PHF14: variants seen among roughly 807,000 people sequenced by gnomAD.
The protein encoded by PHF14 is PHD finger protein 14.
PHF14 carries 55 observed loss-of-function variants against 117.9 expected under a neutral mutation model. The observed-to-expected ratio is 0.47, with a 90% CI of 0.38 to 0.58. PHF14 has a LOEUF of 0.58. PHF14 is among the 20% of genes least tolerant of loss of function. The pLI, the probability that PHF14 is intolerant of heterozygous loss-of-function variation, is 0.00. For missense variants in PHF14, 978 were observed against 1,122.2 expected (o/e 0.87, Z 1.84); for synonymous variants, 409 against 368.6 (o/e 1.11, Z -1.26).
chr7:11,005,788 T>G (rs34327814), intron 4 of PHF14, among the ~76,000 whole-genome samples: 1 of 105,690 alleles, frequency 9.5e-6, no homozygotes, highest in East Asian at 3.2e-4. Context: ...GTAAAAATTC[T>G]TTTTTTTTTT....
chr7:11,059,675 G>A (rs893224804), intron 14 of PHF14, among the ~76,000 whole-genome samples: 2 of 152,094 alleles, frequency 1.3e-5, no homozygotes, highest in African/African-American at 4.8e-5. Flanking sequence ...TTGCAAGGCT[G>A]AGGTGTGAGA....
intron 3 of PHF14, among the ~76,000 whole-genome samples, chr7:10,989,935 C>G (rs917409270): frequency 2.6e-5 from 4 of 152,160 alleles, no homozygotes; most frequent in African/African-American, 9.7e-5. Flanking sequence ...CCCATCCTCT[C>G]TTTTTATAGT....
At chr7:10,999,374 A>G (rs1435681566) in intron 4 of PHF14, among the ~76,000 whole-genome samples, 3 of 152,092 alleles carry the variant, frequency 2.0e-5, no homozygotes, top group Non-Finnish European at 4.4e-5. Context: ...CTTGTTGCTG[A>G]TATTTGGGCT....
At chr7:10,993,741 C>T (rs1370388574) in intron 4 of PHF14, among the ~76,000 whole-genome samples, 1 of 152,162 alleles carries the variant, frequency 6.6e-6, no homozygotes, top group African/African-American at 2.4e-5. Flanking sequence ...GGTACGGTGG[C>T]TCATGCCTGT....
At chr7:11,159,284 A>C (rs1788954844) in intron 17 of PHF14, among the ~76,000 whole-genome samples, 1 of 152,042 alleles carries the variant, frequency 6.6e-6, no homozygotes, top group Non-Finnish European at 1.5e-5. Context: ...TGTGATCTAT[A>C]ACTATTTTTT....
At position 11,129,321 on chromosome 7, in the gene PHF14, T is replaced by C. The variant is rs117205775; in HGVS notation, c.2772+17854T>C. ...ATATGCAAAAAAGACCAAGAAGATA[T>C]CTGTTCAGCAAGTTTAAAATCATAT... On this transcript the variant is annotated intron_variant, in intron 17 of 17. Coordinates refer to ENST00000634607, the MANE Select transcript of PHF14 (RefSeq NM_001007157.2). Among the ~76,000 whole-genome samples the C allele has an allele frequency of 6.9e-3, 1,052 of 152,184 alleles. 5 individuals carry two copies. Among genetic ancestry groups the C allele is most frequent in the Middle Eastern group, 0.031 (9 of 294 alleles).
intron 16 of PHF14, among the ~76,000 whole-genome samples, chr7:11,074,639 C>A (rs1401429421): frequency 1.3e-5 from 2 of 152,204 alleles, no homozygotes; most frequent in Non-Finnish European, 2.9e-5. Flanking sequence ...TGTTATCACT[C>A]TTAAGTTCAA....
intron 3 of PHF14, among the ~76,000 whole-genome samples, chr7:10,986,291 A>G (rs1308085719): frequency 1.3e-5 from 2 of 151,936 alleles, no homozygotes; most frequent in Non-Finnish European, 2.9e-5. Flanking sequence ...GCCCCTTTAC[A>G]GTTTTAAAAA....
intron 16 of PHF14, among the ~76,000 whole-genome samples, chr7:11,067,123 A>G (rs1785449803): frequency 6.6e-6 from 1 of 152,212 alleles, no homozygotes; most frequent in East Asian, 1.9e-4. Context: ...CAGCAATAAG[A>G]AACAACCCCA....
chr7:11,063,814 A>G (rs1785324672), intron 16 of PHF14: 1 of 346,698 alleles, frequency 2.9e-6, no homozygotes, highest in Non-Finnish European at 4.1e-6. Context: ...AAGATTTTTG[A>G]ATAGTATTAC....
chr7:11,006,218 T>C (rs1333856781), intron 4 of PHF14, among the ~76,000 whole-genome samples: 1 of 152,248 alleles, frequency 6.6e-6, no homozygotes, highest in Non-Finnish European at 1.5e-5. Flanking sequence ...TTTATTCTTT[T>C]GGATATAATC....
At chr7:11,147,061 G>A (rs1270283829) in intron 17 of PHF14, among the ~76,000 whole-genome samples, 1 of 152,068 alleles carries the variant, frequency 6.6e-6, no homozygotes, top group East Asian at 1.9e-4. Flanking sequence ...TGCCCAGGCT[G>A]GTCTCGAACT....
chr7:11,126,992 A>T (rs190742521), intron 17 of PHF14, among the ~76,000 whole-genome samples: 1 of 152,078 alleles, frequency 6.6e-6, no homozygotes, highest in Non-Finnish European at 1.5e-5. Flanking sequence ...TACAAACAGA[A>T]ATGAGCTCGA....
chr7:11,007,424 C>A (rs891139798), intron 4 of PHF14, among the ~76,000 whole-genome samples: 1 of 151,752 alleles, frequency 6.6e-6, no homozygotes, highest in Non-Finnish European at 1.5e-5. Context: ...TTTTTTTCCC[C>A]CTTAACTCTT....
At chr7:11,083,858 G>A (rs1786268639) in intron 16 of PHF14, among the ~76,000 whole-genome samples, 1 of 152,140 alleles carries the variant, frequency 6.6e-6, no homozygotes. Context: ...AACCAGTGGG[G>A]CTGTACAAAA....
In PHF14 at chr7:11,004,257, A is replaced by G. The variant is rs868329291; in HGVS notation, c.1046-9490A>G. On this transcript the variant is annotated intron_variant, in intron 4 of 17. Coordinates refer to ENST00000634607, the MANE Select transcript of PHF14 (RefSeq NM_001007157.2). ...GGAAGACTTTGTCTCAAAAAAAAAAAAAAAAAAAAAAAGAAAAGAAAAAGA... is the reference window on the plus strand; with the variant it reads ...GGAAGACTTTGTCTCAAAAAAAAAAGAAAAAAAAAAAAGAAAAGAAAAAGA... Among the ~76,000 whole-genome samples the G allele has an allele frequency of 6.0e-5, 9 of 149,976 alleles. No individual in the cohort carries two copies. The South Asian group carries it at 8.4e-4, about 14-fold the overall frequency.
chr7:11,064,586 T>G lies in PHF14; in HGVS notation c.2654+2501T>G, dbSNP rs560176655. On this transcript the variant is annotated intron_variant, in intron 16 of 17. Coordinates refer to ENST00000634607, the MANE Select transcript of PHF14 (RefSeq NM_001007157.2). ...ACTAGAATCTGCTCTTCAGCAGTTT[T>G]GATTTTTTAAACCACACTTCTCTAT... Among the ~76,000 whole-genome samples the G allele has an allele frequency of 4.0e-4, 61 of 152,204 alleles. 1 individual carries two copies. Among genetic ancestry groups the G allele is most frequent in the African/African-American group, 1.4e-3 (57 of 41,584 alleles).
At chr7:11,015,008 G>C (rs1354031803) in intron 5 of PHF14, 1 of 60,302 alleles carries the variant, frequency 1.7e-5, no homozygotes, top group Non-Finnish European at 3.5e-5. Context: ...ATATAAGAGG[G>C]GGGGTGGGTA....
intron 12 of PHF14, among the ~76,000 whole-genome samples, chr7:11,041,701 T>C (rs1322496697): frequency 2.0e-5 from 3 of 151,978 alleles, no homozygotes; most frequent in African/African-American, 7.2e-5. Flanking sequence ...GGCCAGCTTT[T>C]TCAAACACGG....
Sources: gnomAD v4.1 joint callset for allele counts (sites outside exome capture counted in the v4.1 genomes callset) on GRCh38, gnomAD v4.1.1 for gene constraint, MANE v1.5 for transcripts, NCBI Gene and HGNC (gene_info 2026-07-23, HGNC 2026-07-21) for gene names.